The following APOBEC3B variants were observed in gnomAD, a reference collection of about 807,000 sequenced individuals.
APOBEC3B encodes DNA dC->dU-editing enzyme APOBEC-3B.
In APOBEC3B, 29 loss-of-function variants were observed where a neutral mutation model predicts 53.4. The observed-to-expected ratio is 0.54, with a 90% CI of 0.40 to 0.74. The LOEUF (loss-of-function observed/expected upper bound fraction) is 0.74, where lower values mean the gene tolerates loss of function less well. Among genes scored for constraint, APOBEC3B ranks in the 30% least tolerant of loss-of-function variants. The probability of loss-of-function intolerance (pLI) is 0.00; values close to 1 mark genes in which losing one functional copy is unlikely to be tolerated. For missense variants in APOBEC3B, 347 were observed against 496.2 expected (o/e 0.70, Z 2.86); for synonymous variants, 132 against 184.8 (o/e 0.71, Z 2.32).
At chr22:38,990,062 C>A (rs1024878836) in intron 5 of APOBEC3B, among the ~76,000 whole-genome samples, 4 of 94,518 alleles carry the variant, frequency 4.2e-5, no homozygotes, top group South Asian at 4.6e-4. Context: ...TGTCAGGATG[C>A]AAAGATGGCC....
intron 4 of APOBEC3B, among the ~76,000 whole-genome samples, chr22:38,988,048 G>T (rs1923811257): frequency 6.7e-6 from 1 of 148,658 alleles, no homozygotes; most frequent in Non-Finnish European, 1.5e-5. Context: ...GCTGGTCACG[G>T]AAACACCCAG....
At position 38,986,004 on chromosome 22, in the gene APOBEC3B, C is replaced by T; in HGVS notation, c.367C>T (p.Leu123Phe). ...NVTLTISAAR[L>F]YYYWERDYRR... ...CACCCTGACCATCTCTGCCGCCCGCCTCTACTACTACTGGGAAAGAGATTA... is the reference window on the plus strand; with the variant it reads ...CACCCTGACCATCTCTGCCGCCCGCTTCTACTACTACTGGGAAAGAGATTA... The change falls in exon 3 of 8, where the codon CTC becomes TTC. Residue 123 changes from leucine (L) to phenylalanine (F), a missense_variant. Leu to Phe is a conservative substitution (Grantham distance 22). Around this residue, in one of 5 missense-constraint regions of APOBEC3B, gnomAD observed 156 missense variants for 166.7 expected, o/e 0.94. Transcript: ENST00000333467. 6.3e-7 allele frequency: 1 copy of T among 1,594,300 alleles called. No homozygotes were observed. The highest frequency in any genetic ancestry group is 8.5e-7 in the Non-Finnish European group (1 of 1,172,754).
rs1923567321 is a variant in APOBEC3B at position 38,982,370 on chromosome 22, G to A, written c.-84G>A. The A allele has an allele frequency of 1.3e-6, 2 of 1,560,638 alleles. No homozygotes were observed. ...TCACTTTAAGGAGGGCTGTCCAACTGCAAGGACGCTGTAAGCAGGAAGTGA... is the reference window on the plus strand; with the variant it reads ...TCACTTTAAGGAGGGCTGTCCAACTACAAGGACGCTGTAAGCAGGAAGTGA... On this transcript the variant is annotated 5_prime_UTR_variant, in exon 1 of 8. Transcript: ENST00000333467.
rs1456816190 is a variant in APOBEC3B at position 38,992,502 on chromosome 22, A to T, written c.*57A>T. The T allele has an allele frequency of 3.2e-6, 5 of 1,544,228 alleles. No individual in the cohort carries two copies. The African/African-American group carries it at 5.5e-5, about 17-fold the overall frequency. On this transcript the variant is annotated 3_prime_UTR_variant, in exon 8 of 8. Transcript: ENST00000333467. ...GACCTGGGTTGAGCAGCAGAATAAA[A>T]GATCTTCTTCCAAGAAATGCAAACA...
At position 38,987,239 on chromosome 22, in the gene APOBEC3B, C is replaced by T. The variant is rs1923777900; in HGVS notation, c.569+827C>T. Among the ~76,000 whole-genome samples the T allele has an allele frequency of 1.3e-5, 2 of 148,738 alleles. 1 individual carries two copies. The highest frequency in any genetic ancestry group is 4.5e-4 in the East Asian group (2 of 4,408). ...CTGCTGCCCTTTCCTGCCTGGTGGT[C>T]CTGCTGGGCCTCAGCCCTGGCCTCC... On this transcript the variant is annotated intron_variant, in intron 4 of 7. Coordinates refer to ENST00000333467, the MANE Select transcript of APOBEC3B (RefSeq NM_004900.5).
In APOBEC3B at chr22:38,989,489, A is replaced by G; in HGVS notation, c.602A>G (p.Asn201Ser). 4 of 1,583,038 alleles carry G rather than the reference A, an allele frequency of 2.5e-6. 1 individual carries two copies. Among genetic ancestry groups the G allele is most frequent in the Non-Finnish European group, 3.4e-6 (4 of 1,164,936 alleles). Reference sequence around the variant, plus strand: ...ATGGATCCAGACACATTCACTTTCAACTTTAATAATGACCCTTTGGTCCTT... The same window carrying G: ...ATGGATCCAGACACATTCACTTTCAGCTTTAATAATGACCCTTTGGTCCTT... ...YLMDPDTFTF[N>S]FNNDPLVLRR... Residue 201 changes from asparagine to serine, a missense_variant, in exon 5 of 8, where the codon AAC becomes AGC. Asn to Ser is a conservative substitution (Grantham distance 46). Around this residue, in one of 5 missense-constraint regions of APOBEC3B, gnomAD observed 156 missense variants for 166.7 expected, o/e 0.94. Transcript: ENST00000333467.
intron 2 of APOBEC3B, among the ~76,000 whole-genome samples, chr22:38,985,229 T>G (rs1923687825): frequency 1.4e-5 from 2 of 147,622 alleles, no homozygotes; most frequent in Admixed American, 1.4e-4. Context: ...TTTTGTTTTG[T>G]TTTGTTTTGG....
chr22:38,982,932 A>T (rs1923590448), intron 1 of APOBEC3B, among the ~76,000 whole-genome samples: 1 of 148,758 alleles, frequency 6.7e-6, no homozygotes. Flanking sequence ...TGGTCTCTGA[A>T]GCACATGATA....
chr22:38,990,470 C>T (rs1484863749), intron 5 of APOBEC3B, among the ~76,000 whole-genome samples: 1 of 147,690 alleles, frequency 6.8e-6, no homozygotes, highest in Non-Finnish European at 1.5e-5. Flanking sequence ...CCTGCTGTCC[C>T]CAACTTGACC....
At chr22:38,987,492 C>T (rs1307059576) in intron 4 of APOBEC3B, among the ~76,000 whole-genome samples, 2 of 148,772 alleles carry the variant, frequency 1.3e-5, no homozygotes, top group African/African-American at 2.4e-5. Context: ...TGCTTCCCAC[C>T]ATTCCTGAGC....
At chr22:38,989,227 C>A (rs1422484637) in intron 4 of APOBEC3B, among the ~76,000 whole-genome samples, 3 of 148,070 alleles carry the variant, frequency 2.0e-5, no homozygotes, top group Admixed American at 6.9e-5. Context: ...CCTGGGGAGA[C>A]CCTGACAAGG....
At chr22:38,992,324 G>T (rs762222315) in intron 7 of APOBEC3B, 107 bp from the exon 8 acceptor site, 2 of 1,535,210 alleles carry the variant, frequency 1.3e-6, no homozygotes, top group South Asian at 2.4e-5. Context: ...CCCACCTCCC[G>T]CATCCCTCCC....
In APOBEC3B at chr22:38,987,479, A is replaced by G. The variant is rs2009151; in HGVS notation, c.569+1067A>G. ...CCTGCCCTGGGAGGGTGCTCCCTGT[A>G]TATGCTTCCCACCATTCCTGAGCTC... is the stretch of plus-strand genomic sequence containing the variant. On this transcript the variant is annotated intron_variant, in intron 4 of 7. Coordinates refer to ENST00000333467, the MANE Select transcript of APOBEC3B (RefSeq NM_004900.5). Among the ~76,000 whole-genome samples, 13 of 148,572 alleles carry G rather than the reference A, an allele frequency of 8.7e-5. 3 individuals carry two copies. Among genetic ancestry groups the G allele is most frequent in the Admixed American group, 8.3e-4 (12 of 14,512 alleles).
intron 1 of APOBEC3B, among the ~76,000 whole-genome samples, chr22:38,982,819 A>G (rs1035973858): frequency 6.7e-6 from 1 of 148,946 alleles, no homozygotes; most frequent in Non-Finnish European, 1.5e-5. Context: ...CCAAAGGGTA[A>G]TTGGAGCAAT....
Sources: gnomAD v4.1 joint callset for allele counts (sites outside exome capture counted in the v4.1 genomes callset) on GRCh38, gnomAD v4.1.1 for gene constraint, gnomAD v4.1.1 regional missense constraint, MANE v1.5 for transcripts, NCBI Gene and HGNC (gene_info 2026-07-23, HGNC 2026-07-21) for gene names.